The following SCP2 variants were observed in gnomAD, a reference collection of about 807,000 sequenced individuals.
SCP2 encodes the protein SCP-2/3-oxoacyl-CoA thiolase.
SCP2 carries 48 observed loss-of-function variants against 71.4 expected under a neutral mutation model. The ratio of observed to expected loss-of-function variants is 0.67; its 90% confidence interval spans 0.53 to 0.86. The LOEUF (loss-of-function observed/expected upper bound fraction) is 0.86, where lower values mean the gene tolerates loss of function less well. Among genes scored for constraint, SCP2 ranks in the 40% least tolerant of loss-of-function variants. The pLI is 0.00. For missense variants in SCP2, 560 were observed against 655.6 expected (o/e 0.85, Z 1.59); for synonymous variants, 220 against 218.1 (o/e 1.01, Z -0.08).
At chr1:52,991,914 G>T (rs1659542503) in intron 11 of SCP2, among the ~76,000 whole-genome samples, 1 of 151,936 alleles carries the variant, frequency 6.6e-6, no homozygotes, top group South Asian at 2.1e-4. Flanking sequence ...TCAAAATCAG[G>T]AACATACTAT....
At chr1:52,969,465 C>T (rs536299687) in intron 6 of SCP2, among the ~76,000 whole-genome samples, 53 of 152,154 alleles carry the variant, frequency 3.5e-4, no homozygotes, top group African/African-American at 1.3e-3. Context: ...GCCAAGGTCG[C>T]ACCTCTGCAT....
intron 3 of SCP2, among the ~76,000 whole-genome samples, chr1:52,948,383 C>T (rs746469420): frequency 5.9e-5 from 9 of 152,160 alleles, no homozygotes; most frequent in Non-Finnish European, 1.2e-4. Context: ...CTGTGGCTCA[C>T]GCCTATAATC....
chr1:53,044,447 A>T (rs7533010), intron 14 of SCP2, among the ~76,000 whole-genome samples: 14,701 of 152,264 alleles, frequency 0.097, 1,404 homozygotes, highest in African/African-American at 0.21. Flanking sequence ...ATAATCTATT[A>T]ATTTATTCAA....
intron 4 of SCP2, among the ~76,000 whole-genome samples, chr1:52,951,519 T>G (rs928973337): frequency 7.4e-6 from 1 of 134,736 alleles, no homozygotes; most frequent in African/African-American, 2.9e-5. Context: ...ATCATACCAC[T>G]GCACTCTAGC....
At chr1:53,040,823 T>G (rs1663367797) in intron 14 of SCP2, among the ~76,000 whole-genome samples, 1 of 152,228 alleles carries the variant, frequency 6.6e-6, no homozygotes, top group African/African-American at 2.4e-5. Flanking sequence ...ATGTAATATT[T>G]TACTTATTTT....
intron 11 of SCP2, among the ~76,000 whole-genome samples, chr1:53,013,145 C>T (rs1338328555): frequency 6.8e-6 from 1 of 146,682 alleles, no homozygotes; most frequent in African/African-American, 2.5e-5. Flanking sequence ...AGGGTCTCCC[C>T]CTATAATCTT....
chr1:52,967,138 C>T (rs201014041), intron 6 of SCP2, among the ~76,000 whole-genome samples: 9 of 151,902 alleles, frequency 5.9e-5, no homozygotes, highest in South Asian at 2.1e-4. Flanking sequence ...TGCAGTGAGC[C>T]GAGATTGTGC....
intron 15 of SCP2, chr1:53,049,652 G>T (rs1664072265): frequency 6.6e-6 from 1 of 152,120 alleles, no homozygotes; most frequent in South Asian, 2.1e-4. Flanking sequence ...AATGATGTTT[G>T]TTCAATATAT....
chr1:52,954,481 G>A (rs1014414090), intron 4 of SCP2, among the ~76,000 whole-genome samples: 1 of 152,114 alleles, frequency 6.6e-6, no homozygotes, highest in Non-Finnish European at 1.5e-5. Context: ...CTACAGGTGT[G>A]TACCACCACA....
At chr1:52,964,967 C>T (rs919054407) in intron 6 of SCP2, among the ~76,000 whole-genome samples, 15 of 152,036 alleles carry the variant, frequency 9.9e-5, no homozygotes, top group African/African-American at 1.4e-4. Context: ...GCCGAGATCG[C>T]GCCACTGCAC....
intron 11 of SCP2, among the ~76,000 whole-genome samples, chr1:52,989,333 A>G (rs990542838): frequency 6.6e-6 from 1 of 152,182 alleles, no homozygotes; most frequent in Non-Finnish European, 1.5e-5. Flanking sequence ...TAACTTTAAA[A>G]ATTAACCAGA....
chr1:52,980,294 C>A, intron 9 of SCP2, 102 bp from the exon 10 acceptor site: 1 of 1,102,980 alleles, frequency 9.1e-7, no homozygotes, highest in Non-Finnish European at 1.3e-6. Context: ...TATATGTGGT[C>A]AATTATCAGT....
At chr1:52,999,214 G>A (rs1213281176) in intron 11 of SCP2, among the ~76,000 whole-genome samples, 1 of 149,642 alleles carries the variant, frequency 6.7e-6, no homozygotes, top group African/African-American at 2.4e-5. Context: ...AGGAAATCTG[G>A]CACATGGCCA....
chr1:52,961,314 G>C (rs1656423904), intron 5 of SCP2, among the ~76,000 whole-genome samples, 189 bp from the exon 6 acceptor site: 1 of 149,572 alleles, frequency 6.7e-6, no homozygotes, highest in Non-Finnish European at 1.5e-5. Flanking sequence ...ATACCTCTTT[G>C]GTCACTTGAT....
rs1217932879 is a variant in SCP2, at chr1:52,943,226, C to CT, written c.127+1387dup. Among the ~76,000 whole-genome samples, 274 of 141,340 alleles carry CT rather than the reference C, an allele frequency of 1.9e-3. 2 individuals carry two copies. The highest frequency in any genetic ancestry group is 0.013 in the East Asian group (64 of 4,846). 92.7% of individuals were successfully genotyped at this position (141,340 alleles called of 152,430 possible). A position where few individuals can be genotyped will look rare whatever the true frequency, so the allele number is the denominator to read the frequency against. On this transcript the variant is annotated intron_variant, in intron 2 of 15. Coordinates refer to ENST00000371514, the MANE Select transcript of SCP2 (RefSeq NM_002979.5). ...GAAATGGTTCCCAACATGGTGGGTT[C>CT]TTTTTTTTTTTTTTGAGACGGAGTC...
At chr1:52,945,226 C>T (rs1654665933) in intron 2 of SCP2, among the ~76,000 whole-genome samples, 1 of 152,034 alleles carries the variant, frequency 6.6e-6, no homozygotes, top group African/African-American at 2.4e-5. Flanking sequence ...TCTCACTATG[C>T]TGCCCAGGCT....
chr1:52,978,960 C>A (rs1423092755), intron 9 of SCP2, among the ~76,000 whole-genome samples: 1 of 152,128 alleles, frequency 6.6e-6, no homozygotes, highest in Non-Finnish European at 1.5e-5. Flanking sequence ...GATGAAAATT[C>A]AGACCTAGAG....
chr1:52,977,431 G>A (rs542484473), intron 8 of SCP2, among the ~76,000 whole-genome samples: 10 of 152,208 alleles, frequency 6.6e-5, no homozygotes, highest in Non-Finnish European at 1.2e-4. Flanking sequence ...GTAAGAAAAA[G>A]ATCTGTTTAA....
intron 12 of SCP2, 94 bp downstream of exon 12, chr1:53,015,137 C>G: frequency 8.1e-7 from 1 of 1,229,570 alleles, no homozygotes; most frequent in East Asian, 2.4e-5. Flanking sequence ...ATTTTATTGT[C>G]TTAGTATTTA....
Sources: gnomAD v4.1 joint callset for allele counts (sites outside exome capture counted in the v4.1 genomes callset) on GRCh38, gnomAD v4.1.1 for gene constraint, MANE v1.5 for transcripts, NCBI Gene and HGNC (gene_info 2026-07-23, HGNC 2026-07-21) for gene names.